ROR2: variants seen among roughly 807,000 people sequenced by gnomAD.
ROR2 encodes tyrosine-protein kinase transmembrane receptor ROR2.
Under a neutral mutation model 74.9 loss-of-function variants are expected in ROR2, and 33 were observed. That is an observed-to-expected ratio of 0.44 (90% CI 0.33 to 0.59). The LOEUF (loss-of-function observed/expected upper bound fraction) is 0.59. Among genes scored for constraint, ROR2 ranks in the 20% least tolerant of loss-of-function variants. The pLI is 0.02. For missense variants in ROR2, 1,216 were observed against 1,313.8 expected (o/e 0.93, Z 1.15); for synonymous variants, 586 against 558.7 (o/e 1.05, Z -0.69).
At position 91,906,910 on chromosome 9, in the gene ROR2, A is replaced by G. The variant is rs536694007; in HGVS notation, c.97+42957T>C. Reference sequence around the variant, plus strand: ...AATTGTGGTAAACAGTATACCATAAAAGTTGCCATCTTCGCCACTTTTAAG... The same window carrying G: ...AATTGTGGTAAACAGTATACCATAAGAGTTGCCATCTTCGCCACTTTTAAG... On this transcript the variant is annotated intron_variant, in intron 1 of 8. Coordinates refer to ENST00000375708, the MANE Select transcript of ROR2 (RefSeq NM_004560.4). 4.6e-5 allele frequency among the ~76,000 whole-genome samples: 7 copies of G among 152,272 alleles called. No individual in the cohort carries two copies. The East Asian group carries it at 1.4e-3, about 29-fold the overall frequency.
At chr9:91,862,374 G>A (rs1829496205) in intron 1 of ROR2, among the ~76,000 whole-genome samples, 1 of 151,646 alleles carries the variant, frequency 6.6e-6, no homozygotes, top group African/African-American at 2.4e-5. Flanking sequence ...AGCAGGAGCA[G>A]CAGCCAGGAG....
chr9:91,814,981 G>A (rs1048564557), intron 1 of ROR2, among the ~76,000 whole-genome samples: 1 of 152,216 alleles, frequency 6.6e-6, no homozygotes, highest in African/African-American at 2.4e-5. Context: ...ATGCCTCGAA[G>A]CACCTGCAAG....
chr9:91,760,831 ACCTTCTGAAGTAT>A (rs1289274972), intron 2 of ROR2, among the ~76,000 whole-genome samples: 1 of 152,166 alleles, frequency 6.6e-6, no homozygotes, highest in Non-Finnish European at 1.5e-5. Flanking sequence ...TCTATTTCAG[ACCTTCTGAAGTAT>A]TCAGAAAAGC....
intron 1 of ROR2, among the ~76,000 whole-genome samples, chr9:91,803,294 T>G (rs1431851369): frequency 6.6e-6 from 1 of 152,216 alleles, no homozygotes; most frequent in Non-Finnish European, 1.5e-5. Flanking sequence ...ATGCTAAATA[T>G]GCCAGCCACA....
At chr9:91,823,833 G>C (rs1215539980) in intron 1 of ROR2, among the ~76,000 whole-genome samples, 2 of 152,220 alleles carry the variant, frequency 1.3e-5, no homozygotes, top group Non-Finnish European at 2.9e-5. Context: ...GGGGCGTCAG[G>C]GAAGGTGCCC....
intron 1 of ROR2, among the ~76,000 whole-genome samples, chr9:91,894,677 T>C (rs529732386): frequency 1.4e-4 from 22 of 152,350 alleles, no homozygotes; most frequent in South Asian, 6.2e-4. Context: ...GGCATTTCCA[T>C]TGTTATTCTT....
chr9:91,915,917 G>T (rs773582072), intron 1 of ROR2, among the ~76,000 whole-genome samples: 1 of 152,198 alleles, frequency 6.6e-6, no homozygotes, highest in Non-Finnish European at 1.5e-5. Flanking sequence ...ACCCCGCCCA[G>T]AAATCCAGCT....
chr9:91,775,146 G>A (rs1826377593), intron 2 of ROR2, among the ~76,000 whole-genome samples: 1 of 152,240 alleles, frequency 6.6e-6, no homozygotes, highest in Non-Finnish European at 1.5e-5. Flanking sequence ...TTCCTGGTCT[G>A]TGGTGCTTGC....
intron 1 of ROR2, among the ~76,000 whole-genome samples, chr9:91,916,568 G>T (rs571953380): frequency 6.6e-6 from 1 of 152,176 alleles, no homozygotes; most frequent in Admixed American, 6.5e-5. Flanking sequence ...TTCTTAAGTG[G>T]AAAGAATTCC....
At chr9:91,812,470 A>G (rs1170597480) in intron 1 of ROR2, among the ~76,000 whole-genome samples, 2 of 151,978 alleles carry the variant, frequency 1.3e-5, no homozygotes, top group East Asian at 3.9e-4. Context: ...GTGACTGTGA[A>G]AACCAACACT....
intron 1 of ROR2, among the ~76,000 whole-genome samples, chr9:91,881,975 A>G (rs1830123353): frequency 1.3e-5 from 2 of 152,188 alleles, no homozygotes; most frequent in African/African-American, 4.8e-5. Flanking sequence ...AGCTGGGCAA[A>G]TGGAGTGTAG....
At chr9:91,748,900 G>T (rs1414085108) in intron 4 of ROR2, among the ~76,000 whole-genome samples, 1 of 152,116 alleles carries the variant, frequency 6.6e-6, no homozygotes, top group Non-Finnish European at 1.5e-5. Flanking sequence ...GGTGGCAGGC[G>T]CCTGTAATCC....
intron 1 of ROR2, among the ~76,000 whole-genome samples, chr9:91,851,308 C>G (rs1185823434): frequency 6.7e-6 from 1 of 149,642 alleles, no homozygotes; most frequent in South Asian, 2.1e-4. Flanking sequence ...GCTGAAATCA[C>G]GCCACTGCAC....
chr9:91,724,502 G>A lies in ROR2; in HGVS notation c.1992C>T (p.Ile664=), dbSNP rs2118617721. The A allele has an allele frequency of 1.2e-6, 2 of 1,614,226 alleles. No homozygotes were observed. The highest frequency in any genetic ancestry group is 1.3e-5 in the African/African-American group (1 of 75,070). Residue 664 remains isoleucine, a synonymous_variant, in exon 9 of 9, where the codon ATC becomes ATT. Transcript: ENST00000375708. ...LPIRWMAPEA[I]MYGKFSIDSD... is the part of the protein sequence containing the mutation. ...AGTCGATGGAGAACTTGCCGTACATGATGGCCTCTGGGGCCATCCAGCGGA... is the reference window on the plus strand; with the variant it reads ...AGTCGATGGAGAACTTGCCGTACATAATGGCCTCTGGGGCCATCCAGCGGA...
intron 1 of ROR2, among the ~76,000 whole-genome samples, chr9:91,921,479 C>G (rs1831260493): frequency 2.0e-5 from 3 of 152,226 alleles, no homozygotes; most frequent in South Asian, 4.1e-4. Flanking sequence ...TTTCAAGAGC[C>G]TGTGCTTAAT....
intron 1 of ROR2, among the ~76,000 whole-genome samples, chr9:91,811,165 G>A (rs1038411571): frequency 3.9e-5 from 6 of 152,248 alleles, no homozygotes; most frequent in East Asian, 1.9e-4. Context: ...CCCCTAGGCC[G>A]GGACAGCGGC....
In ROR2 at chr9:91,731,170, C is replaced by T. The variant is rs1837231210; in HGVS notation, c.938-15G>A. ...GCACTGATGGTCTGAACAAGGAAAA[C>T]ACGTTAGGAAAACCTCCGGGGTACA... On this transcript the variant is annotated splice_polypyrimidine_tract_variant and intron_variant, in intron 6 of 8. Coordinates refer to ENST00000375708, the MANE Select transcript of ROR2 (RefSeq NM_004560.4). The T allele has an allele frequency of 6.2e-7, 1 of 1,613,926 alleles. No homozygotes were observed. The highest frequency in any genetic ancestry group is 1.6e-4 in the Middle Eastern group (1 of 6,062).
At chr9:91,948,922 G>A (rs1473884117) in intron 1 of ROR2, 6 of 985,236 alleles carry the variant, frequency 6.1e-6, no homozygotes, top group East Asian at 2.3e-4. Flanking sequence ...TGCACCGCCA[G>A]AGCTAACGCC....
rs181389535 is a variant in ROR2, at chr9:91,830,084, A to G, written c.98-54266T>C. Among the ~76,000 whole-genome samples the G allele has an allele frequency of 2.9e-3, 443 of 152,354 alleles. 1 individual carries two copies. Among genetic ancestry groups the G allele is most frequent in the African/African-American group, 0.01 (423 of 41,580 alleles). The stretch of plus-strand genomic sequence containing the variant: ...ATCTAATTCAACAAAAATTATCTTT[A>G]AAAGTTTTCCTCATCCTGTATTTTC... On this transcript the variant is annotated intron_variant, in intron 1 of 8. Coordinates refer to ENST00000375708, the MANE Select transcript of ROR2 (RefSeq NM_004560.4).
Sources: allele counts gnomAD v4.1 joint callset (sites outside exome capture counted in the v4.1 genomes callset), GRCh38; gene constraint gnomAD v4.1.1; transcripts MANE v1.5; gene names NCBI Gene and HGNC (gene_info 2026-07-23, HGNC 2026-07-21).